Variants in MAP4K3 observed in about 807,000 individuals in gnomAD.
MAP4K3 encodes the protein MAPK/ERK kinase kinase kinase 3.
A neutral mutation model predicts 143.5 loss-of-function variants in MAP4K3; 94 were observed. The ratio of observed to expected loss-of-function variants is 0.65; its 90% CI spans 0.55 to 0.78. MAP4K3 has a LOEUF of 0.78. Among genes scored for constraint, MAP4K3 ranks in the 30% least tolerant of loss-of-function variants. The pLI, the probability that MAP4K3 is intolerant of heterozygous loss-of-function variation, is 0.00. For synonymous variants in MAP4K3, 416 were observed against 347.2 expected, an observed-to-expected ratio of 1.20 and a Z score of -2.20; for missense variants, 1,077 against 1,068.1, an observed-to-expected ratio of 1.01 and a Z score of -0.12.
At chr2:39,368,599 G>A (rs1219667104) in intron 2 of MAP4K3, among the ~76,000 whole-genome samples, 1 of 151,980 alleles carries the variant, frequency 6.6e-6, no homozygotes, top group Non-Finnish European at 1.5e-5. Flanking sequence ...GAGCCCAGGA[G>A]TTGGGGCTGC....
At chr2:39,378,246 T>C in intron 1 of MAP4K3, 123 bp from the exon 2 acceptor site, 2 of 587,588 alleles carry the variant, frequency 3.4e-6, no homozygotes, top group Non-Finnish European at 6.0e-6. Flanking sequence ...CAAATGTAAT[T>C]TATATTTACA....
At chr2:39,394,622 A>C (rs923815742) in intron 1 of MAP4K3, among the ~76,000 whole-genome samples, 2 of 152,220 alleles carry the variant, frequency 1.3e-5, no homozygotes, top group Admixed American at 1.3e-4. Context: ...GAGCTCACTC[A>C]GTCAGCCAAG....
chr2:39,402,509 AAC>A (rs2148608833), intron 1 of MAP4K3, among the ~76,000 whole-genome samples: 1 of 152,252 alleles, frequency 6.6e-6, no homozygotes, highest in African/African-American at 2.4e-5. Context: ...AGCTAAAAGA[AAC>A]ACAGCAACAA....
chr2:39,267,679 CAAAAAA>C (rs57082856), intron 26 of MAP4K3, among the ~76,000 whole-genome samples: 2 of 130,568 alleles, frequency 1.5e-5, no homozygotes, highest in Admixed American at 7.6e-5. Context: ...ACTCGGTCTC[CAAAAAA>C]AAAAAAAAAA....
At chr2:39,430,668 G>A (rs994105334) in intron 1 of MAP4K3, among the ~76,000 whole-genome samples, 1 of 152,106 alleles carries the variant, frequency 6.6e-6, no homozygotes, top group Non-Finnish European at 1.5e-5. Flanking sequence ...ATAGCCTACT[G>A]CTGTATTCAC....
rs1043942373 is a variant in MAP4K3, at chr2:39,343,447, T to C, written c.251A>G (p.Asp84Gly). ...AAACTCCATGCAAATCCAAAGCTTA[T>C]CTCGCCTATAAAGAGAAAAGAAGCA... ...VAYFGSYLRRDKLWICMEFCG... is the reference protein window; with the variant it reads ...VAYFGSYLRRGKLWICMEFCG... The change falls in exon 4 of 34, where the codon GAT (aspartate) becomes GGT (glycine). Residue 84 changes from aspartate to glycine, a missense_variant. Physicochemically the swap from Asp to Gly is moderately conservative, Grantham distance 94. This residue lies in a region of MAP4K3 where 213 missense variants were observed against 266.8 expected (regional missense o/e 0.80). Transcript: ENST00000263881. The C allele has an allele frequency of 3.1e-6, 5 of 1,612,726 alleles. No individual in the cohort carries two copies. Among genetic ancestry groups the C allele is most frequent in the Non-Finnish European group, 4.2e-6 (5 of 1,179,168 alleles).
chr2:39,395,540 C>T (rs1438616758), intron 1 of MAP4K3, among the ~76,000 whole-genome samples: 1 of 152,200 alleles, frequency 6.6e-6, no homozygotes, highest in Non-Finnish European at 1.5e-5. Context: ...CTCCCTTTCT[C>T]ACTATTAGGG....
At chr2:39,399,618 GC>G (rs563413945) in intron 1 of MAP4K3, among the ~76,000 whole-genome samples, 29 of 152,294 alleles carry the variant, frequency 1.9e-4, no homozygotes, top group Admixed American at 1.4e-3. Context: ...GTAGTTAAAT[GC>G]AAGGATTTGA....
chr2:39,357,393 A>G (rs569949796), intron 2 of MAP4K3, among the ~76,000 whole-genome samples: 4 of 152,260 alleles, frequency 2.6e-5, no homozygotes, highest in South Asian at 2.1e-4. Flanking sequence ...GGCTTCCCCA[A>G]TTACTGCTCA....
intron 20 of MAP4K3, 68 bp from the exon 21 acceptor site, chr2:39,287,032 G>A: frequency 2.2e-6 from 2 of 920,200 alleles, no homozygotes; most frequent in East Asian, 2.5e-5. Flanking sequence ...AAGTTATCAA[G>A]TAGGAAAGAA....
chr2:39,395,382 C>T (rs1666778245), intron 1 of MAP4K3, among the ~76,000 whole-genome samples: 1 of 152,036 alleles, frequency 6.6e-6, no homozygotes, highest in East Asian at 1.9e-4. Context: ...TGGTTTTATT[C>T]AGGCTACACA....
At chr2:39,323,882 C>T (rs191195165) in intron 12 of MAP4K3, 283 of 152,148 alleles carry the variant, frequency 1.9e-3, no homozygotes, top group African/African-American at 6.5e-3. Flanking sequence ...CACATTTCTA[C>T]AATTACAACT....
At chr2:39,337,083 C>A in intron 5 of MAP4K3, 116 bp from the exon 6 acceptor site, 1 of 513,816 alleles carries the variant, frequency 1.9e-6, no homozygotes, top group Non-Finnish European at 3.6e-6. Context: ...TACAGGAGAT[C>A]TAGTACTAAT....
intron 1 of MAP4K3, among the ~76,000 whole-genome samples, chr2:39,400,514 C>T (rs578085283): frequency 2.7e-5 from 4 of 150,814 alleles, no homozygotes; most frequent in South Asian, 2.1e-4. Context: ...TTTTATTGTT[C>T]CCCCCTCTCT....
intron 26 of MAP4K3, among the ~76,000 whole-genome samples, chr2:39,267,787 T>C (rs1233766968): frequency 6.6e-6 from 1 of 151,692 alleles, no homozygotes; most frequent in Admixed American, 6.6e-5. Flanking sequence ...TAGAAGTCTA[T>C]AGAAATATAT....
chr2:39,258,235 T>C, intron 31 of MAP4K3, 113 bp downstream of exon 31: 1 of 809,134 alleles, frequency 1.2e-6, no homozygotes, highest in Non-Finnish European at 1.9e-6. Context: ...CCCAGCCATA[T>C]CCTTTATTTT....
At chr2:39,402,109 C>T (rs1393200101) in intron 1 of MAP4K3, among the ~76,000 whole-genome samples, 2 of 151,754 alleles carry the variant, frequency 1.3e-5, no homozygotes, top group African/African-American at 2.4e-5. Flanking sequence ...ACACGGACTA[C>T]GAAAAAAACC....
At chr2:39,336,472 A>AT (rs921368242) in intron 6 of MAP4K3, among the ~76,000 whole-genome samples, 2 of 32,978 alleles carry the variant, frequency 6.1e-5, no homozygotes, top group Non-Finnish European at 9.0e-5. Flanking sequence ...ACTCCATCTC[A>AT]AAAAAAAAAA....
chr2:39,354,942 G>GT (rs1203274751), intron 3 of MAP4K3, among the ~76,000 whole-genome samples: 2 of 152,104 alleles, frequency 1.3e-5, no homozygotes, highest in African/African-American at 2.4e-5. Flanking sequence ...AAACTGAAGA[G>GT]TTTTTTTAAT....
Sources: gnomAD v4.1 joint callset for allele counts (sites outside exome capture counted in the v4.1 genomes callset) on GRCh38, gnomAD v4.1.1 for gene constraint, gnomAD v4.1.1 regional missense constraint, MANE v1.5 for transcripts, NCBI Gene and HGNC (gene_info 2026-07-23, HGNC 2026-07-21) for gene names.